Variants in HYDIN observed in about 807,000 individuals in gnomAD.
The protein encoded by HYDIN is axonemal central pair apparatus protein HYDIN.
HYDIN carries 132 observed loss-of-function variants against 403.9 expected under a neutral mutation model. The observed-to-expected ratio is 0.33, with a 90% CI of 0.28 to 0.38. The LOEUF (loss-of-function observed/expected upper bound fraction) is 0.38. Ranked by LOEUF, HYDIN falls within the 10% of genes least tolerant of loss-of-function variation. The pLI is 1.00. For missense variants in HYDIN, 2,827 were observed against 5,009.5 expected (o/e 0.56, Z 13.15); for synonymous variants, 1,202 against 1,891.7 (o/e 0.64, Z 9.46).
chr16:70,920,717 C>T lies in HYDIN; in HGVS notation c.7659G>A (p.Glu2553=). The change falls in exon 46 of 86, where the codon GAG becomes GAA. Residue 2553 remains glutamate, a synonymous_variant. Transcript: ENST00000393567. ...TCTCCTTCTTCCCTTCGTGGTCCTC[C>T]TCCCCTTCCCCCTCCCAGTCGCTCC... is the stretch of plus-strand genomic sequence containing the variant. ...EERSDWEGEG[E]EDHEGKKEKD... 6.3e-7 allele frequency: 1 copy of T among 1,594,864 alleles called. No homozygotes were observed. Among genetic ancestry groups the T allele is most frequent in the Non-Finnish European group, 8.5e-7 (1 of 1,169,926 alleles).
chr16:71,151,550 A>T (rs1326401460), intron 7 of HYDIN, among the ~76,000 whole-genome samples: 4 of 152,086 alleles, frequency 2.6e-5, no homozygotes, highest in African/African-American at 9.7e-5. Flanking sequence ...CAATGACACC[A>T]GTTAGGTTGG....
At chr16:70,994,476 G>T (rs553154391) in intron 23 of HYDIN, among the ~76,000 whole-genome samples, 1 of 152,138 alleles carries the variant, frequency 6.6e-6, no homozygotes, top group Admixed American at 6.5e-5. Context: ...GCTTCCATTT[G>T]ACTTGTTCCA....
At chr16:70,972,343 T>A (rs2143987404) in intron 35 of HYDIN, among the ~76,000 whole-genome samples, 1 of 109,428 alleles carries the variant, frequency 9.1e-6, no homozygotes, top group Middle Eastern at 3.8e-3. Flanking sequence ...ACAAATCAAT[T>A]TTTCTTTTAA....
At chr16:71,038,649 C>G (rs2081179388) in intron 18 of HYDIN, among the ~76,000 whole-genome samples, 1 of 152,240 alleles carries the variant, frequency 6.6e-6, no homozygotes, top group African/African-American at 2.4e-5. Flanking sequence ...GTCACCAAGG[C>G]ATTTCTCTTT....
intron 5 of HYDIN, among the ~76,000 whole-genome samples, chr16:71,170,141 C>G (rs1230156783): frequency 6.6e-6 from 1 of 152,112 alleles, no homozygotes; most frequent in Non-Finnish European, 1.5e-5. Flanking sequence ...ACCCATCAGG[C>G]TGGATAAAAG....
intron 59 of HYDIN, among the ~76,000 whole-genome samples, 162 bp from the exon 60 acceptor site, chr16:70,883,057 C>CTT (rs2040909236): frequency 1.3e-5 from 2 of 152,204 alleles, no homozygotes; most frequent in South Asian, 4.1e-4. Context: ...TCTGTCTTGT[C>CTT]TTCCTCTTTT....
At chr16:70,892,299 T>C (rs1251317684) in intron 56 of HYDIN, 62 bp downstream of exon 56, 6 of 1,551,040 alleles carry the variant, frequency 3.9e-6, no homozygotes, top group East Asian at 4.5e-5. Context: ...TGTATCCTTC[T>C]TTGCAACAGG....
intron 1 of HYDIN, among the ~76,000 whole-genome samples, chr16:71,214,820 G>A (rs2088791427): frequency 6.9e-6 from 1 of 145,516 alleles, no homozygotes; most frequent in African/African-American, 2.4e-5. Flanking sequence ...GCCTTAAACT[G>A]CTTTTATTTC....
intron 9 of HYDIN, among the ~76,000 whole-genome samples, chr16:71,123,898 C>T (rs187627196): frequency 3.3e-5 from 5 of 152,358 alleles, no homozygotes; most frequent in Admixed American, 6.5e-5. Flanking sequence ...ATTATGAGGC[C>T]TCCCCAGCCA....
chr16:70,981,054 TAGG>T (rs1324167490), intron 29 of HYDIN, among the ~76,000 whole-genome samples: 1 of 151,826 alleles, frequency 6.6e-6, no homozygotes, highest in Non-Finnish European at 1.5e-5. Context: ...CAGTGGCATC[TAGG>T]AGAATGTCAC....
chr16:71,070,081 C>T (rs2082413071), intron 13 of HYDIN, among the ~76,000 whole-genome samples: 1 of 152,118 alleles, frequency 6.6e-6, no homozygotes, highest in Non-Finnish European at 1.5e-5. Flanking sequence ...AGAGACTTTA[C>T]AAACTGCTTT....
intron 58 of HYDIN, among the ~76,000 whole-genome samples, chr16:70,884,524 A>C (rs1335646111): frequency 6.6e-6 from 1 of 152,120 alleles, no homozygotes; most frequent in Non-Finnish European, 1.5e-5. Context: ...GCCCTGCTAA[A>C]TATTGACTGT....
chr16:70,814,003 G>C (rs2035674168), intron 84 of HYDIN, among the ~76,000 whole-genome samples: 1 of 150,842 alleles, frequency 6.6e-6, no homozygotes, highest in Non-Finnish European at 1.5e-5. Context: ...AAACGGCCCT[G>C]CAGAGCAGTG....
chr16:71,089,124 T>G (rs1314810085), intron 11 of HYDIN, among the ~76,000 whole-genome samples: 1 of 148,928 alleles, frequency 6.7e-6, no homozygotes, highest in East Asian at 2.0e-4. Context: ...CAAGCAACTG[T>G]TTTACTATAG....
intron 84 of HYDIN, among the ~76,000 whole-genome samples, chr16:70,811,810 T>G (rs2035524227): frequency 2.0e-5 from 3 of 149,550 alleles, no homozygotes; most frequent in Non-Finnish European, 4.4e-5. Context: ...TGAGCCGAGA[T>G]CACGCCATTG....
intron 23 of HYDIN, among the ~76,000 whole-genome samples, chr16:70,995,413 G>A (rs1455980636): frequency 6.6e-6 from 1 of 152,160 alleles, no homozygotes. Flanking sequence ...AGCTGCCAGA[G>A]AATCACATGC....
chr16:71,224,810 C>T (rs923872020), intron 1 of HYDIN, among the ~76,000 whole-genome samples: 1 of 152,042 alleles, frequency 6.6e-6, no homozygotes, highest in Admixed American at 6.5e-5. Context: ...ATCCGCCCGC[C>T]TCGGCCTCCC....
At chr16:71,188,736 G>T (rs1415449753) in intron 1 of HYDIN, among the ~76,000 whole-genome samples, 1 of 152,082 alleles carries the variant, frequency 6.6e-6, no homozygotes, top group African/African-American at 2.4e-5. Context: ...GACCATAAAA[G>T]ATTTGAATGA....
chr16:71,100,680 T>C (rs1463357400), intron 10 of HYDIN, among the ~76,000 whole-genome samples: 1 of 152,242 alleles, frequency 6.6e-6, no homozygotes, highest in Non-Finnish European at 1.5e-5. Context: ...AATCAGCTGA[T>C]ATCCACATGG....
Sources: gnomAD v4.1 joint callset for allele counts (sites outside exome capture counted in the v4.1 genomes callset) on GRCh38, gnomAD v4.1.1 for gene constraint, MANE v1.5 for transcripts, NCBI Gene and HGNC (gene_info 2026-07-23, HGNC 2026-07-21) for gene names.